The following PEX26 variants were observed in gnomAD, a reference collection of about 807,000 sequenced individuals.
PEX26 encodes the protein peroxisomal biogenesis factor 26.
Under a neutral mutation model 31.4 loss-of-function variants are expected in PEX26, and 18 were observed. The ratio of observed to expected loss-of-function variants is 0.57; its 90% CI spans 0.40 to 0.85. The LOEUF is 0.85. Ranked by LOEUF, PEX26 falls within the 40% of genes least tolerant of loss-of-function variation. The pLI, the probability that PEX26 is intolerant of heterozygous loss-of-function variation, is 0.00. For missense variants in PEX26, 377 were observed against 383.9 expected (o/e 0.98, Z 0.15); for synonymous variants, 176 against 166.9 (o/e 1.05, Z -0.42).
chr22:18,082,057 A>T (rs1158076743), intron 2 of PEX26, among the ~76,000 whole-genome samples: 1 of 98,410 alleles, frequency 1.0e-5, no homozygotes, highest in Non-Finnish European at 1.9e-5. Context: ...TCCCTTTTGA[A>T]TCAGGTTTTT....
rs1926383255 is a variant in PEX26, at chr22:18,078,361, T to G, written c.-16T>G. On this transcript the variant is annotated 5_prime_UTR_variant, in exon 1 of 5. Coordinates refer to ENST00000399744, the MANE Select transcript of PEX26 (RefSeq NM_001127649.3). The stretch of plus-strand genomic sequence containing the variant: ...CTCCGACGTCTGAGGACCTGGGCCT[T>G]GGACCCGGACTCGTTATGAAGAGCG... 6.3e-7 allele frequency: 1 copy of G among 1,581,358 alleles called. No individual in the cohort carries two copies. Among genetic ancestry groups the G allele is most frequent in the Non-Finnish European group, 8.6e-7 (1 of 1,158,642 alleles).
In PEX26 at chr22:18,078,155, A is replaced by C. The variant is rs141420435; in HGVS notation, c.-222A>C. 117 of 690,702 alleles carry C rather than the reference A, an allele frequency of 1.7e-4. No homozygotes were observed. The African/African-American group carries it at 1.9e-3, about 11-fold the overall frequency. The allele number at this position is 690,702 out of a possible 1,614,324, so 42.8% of individuals were successfully genotyped here. On this transcript the variant is annotated 5_prime_UTR_variant, in exon 1 of 5. Transcript: ENST00000399744. The stretch of plus-strand genomic sequence containing the variant: ...ATTCCAGGGATGCAAGAATCCTGCA[A>C]ATCTGACGTGTAAACTGCTTCCCCA...
At chr22:18,086,204 A>G (rs992827152) in intron 4 of PEX26, among the ~76,000 whole-genome samples, 1 of 151,264 alleles carries the variant, frequency 6.6e-6, no homozygotes, top group African/African-American at 2.4e-5. Context: ...AGGGTGAGGC[A>G]GGGAGCATTG....
At chr22:18,082,270 G>GA (rs1165924689) in intron 2 of PEX26, among the ~76,000 whole-genome samples, 3 of 151,960 alleles carry the variant, frequency 2.0e-5, no homozygotes, top group Non-Finnish European at 4.4e-5. Flanking sequence ...AGGTCTTACT[G>GA]AAAAAAACAC....
intron 2 of PEX26, among the ~76,000 whole-genome samples, chr22:18,080,519 A>T (rs1264742187): frequency 6.6e-6 from 1 of 152,012 alleles, no homozygotes; most frequent in East Asian, 1.9e-4. Context: ...TTAAGTAGAG[A>T]CAGGGTTTTA....
At chr22:18,081,243 TATACACACAC>T (rs920142822) in intron 2 of PEX26, among the ~76,000 whole-genome samples, 39 of 62,454 alleles carry the variant, frequency 6.2e-4, no homozygotes, top group African/African-American at 1.8e-3. Flanking sequence ...TATGTACACA[TATACACACAC>T]ACACACACAC....
chr22:18,087,439 G>T (rs187461542), intron 4 of PEX26, among the ~76,000 whole-genome samples: 43 of 152,326 alleles, frequency 2.8e-4, no homozygotes, highest in Admixed American at 2.1e-3. Flanking sequence ...GCTGAGCAGG[G>T]ATCCCCTGTG....
At position 18,097,321 on chromosome 22, in the gene PEX26, G is replaced by A. The variant is rs13058445; in HGVS notation, c.*9246G>A. 1,807 of 151,766 alleles carry A rather than the reference G, an allele frequency of 0.012. 27 individuals carry two copies. Among genetic ancestry groups the A allele is most frequent in the South Asian group, 0.079 (380 of 4,780 alleles). 9.4% of individuals were successfully genotyped at this position (151,766 alleles called of 1,614,324 possible). A position where few individuals can be genotyped will look rare whatever the true frequency, so the allele number is the denominator to read the frequency against. Reference sequence around the variant, plus strand: ...CTCTGTCGCCCAGGCTGGAGTGCAGGGGTGTGATCTCGGCTCACTGCAAGC... The same window carrying A: ...CTCTGTCGCCCAGGCTGGAGTGCAGAGGTGTGATCTCGGCTCACTGCAAGC... On this transcript the variant is annotated 3_prime_UTR_variant, in exon 5 of 5. Transcript: ENST00000399744.
Position 18,078,187 on chromosome 22 carries a change from A to G in PEX26, c.-190A>G, listed in dbSNP as rs1926371295. ...CGTGTAAACTGCTTCCCCAGCCTCC[A>G]GGCGAGCCCAGCTTTTGCCTCAGAT... is the stretch of plus-strand genomic sequence containing the variant. On this transcript the variant is annotated 5_prime_UTR_variant, in exon 1 of 5. Transcript: ENST00000399744. 1.4e-6 allele frequency: 1 copy of G among 700,674 alleles called. No homozygotes were observed. The allele number at this position is 700,674 out of a possible 1,614,324, so 43.4% of individuals were successfully genotyped here. A position where few individuals can be genotyped will look rare whatever the true frequency, so the allele number is the denominator to read the frequency against.
chr22:18,080,174 A>G (rs914994170), intron 2 of PEX26, among the ~76,000 whole-genome samples, 160 bp downstream of exon 2: 1 of 152,110 alleles, frequency 6.6e-6, no homozygotes, highest in Non-Finnish European at 1.5e-5. Context: ...ATAGCAATAA[A>G]GAATAAGGGG....
intron 1 of PEX26, chr22:18,079,211 T>C (rs938496862): frequency 2.0e-6 from 2 of 985,188 alleles, no homozygotes; most frequent in African/African-American, 3.5e-5. Flanking sequence ...GAAAAAAACC[T>C]TGGGCTTGCA....
rs1927500241 is a variant in PEX26, at chr22:18,103,038, T to TCACACCACCGCA, written c.*14964_*14965insACACCACCGCAC. On this transcript the variant is annotated 3_prime_UTR_variant, in exon 5 of 5. Coordinates refer to ENST00000399744, the MANE Select transcript of PEX26 (RefSeq NM_001127649.3). ...AGGCAGAGGTGGCAGTGAGCCGAGATCGTGCGATCGTGCTATTGCACTCCA... is the reference window on the plus strand; with the variant it reads ...AGGCAGAGGTGGCAGTGAGCCGAGATCACACCACCGCACGTGCGATCGTGCTATTGCACTCCA... 1.4e-5 allele frequency: 2 copies of TCACACCACCGCA among 139,500 alleles called. No individual in the cohort carries two copies. The highest frequency in any genetic ancestry group is 8.3e-5 in the Admixed American group (1 of 12,080). The allele number at this position is 139,500 out of a possible 1,614,324, so 8.6% of individuals were successfully genotyped here.
chr22:18,084,991 G>A, intron 3 of PEX26, 121 bp from the exon 4 acceptor site: 1 of 986,976 alleles, frequency 1.0e-6, no homozygotes, highest in South Asian at 1.3e-5. Context: ...AAAGTGCTGG[G>A]ATTACAGGCA....
At chr22:18,085,999 A>G (rs1926827952) in intron 4 of PEX26, among the ~76,000 whole-genome samples, 1 of 152,022 alleles carries the variant, frequency 6.6e-6, no homozygotes, top group Admixed American at 6.6e-5. Flanking sequence ...CATACATTTT[A>G]GAAAATGTGG....
Position 18,092,874 on chromosome 22 carries a change from GA to G in PEX26, c.*4806del, listed in dbSNP as rs368441548. The G allele has an allele frequency of 1.4e-5, 2 of 144,400 alleles. No homozygotes were observed. Among genetic ancestry groups the G allele is most frequent in the African/African-American group, 5.1e-5 (2 of 39,060 alleles). 8.9% of individuals were successfully genotyped at this position (144,400 alleles called of 1,614,324 possible). ...CTTTTATAAAGCCAATTTTAAACAAGAAAAAAACAAAAAGTTTACAAAAGAA... is the reference window on the plus strand; with the variant it reads ...CTTTTATAAAGCCAATTTTAAACAAGAAAAAACAAAAAGTTTACAAAAGAA... On this transcript the variant is annotated 3_prime_UTR_variant, in exon 5 of 5. Transcript: ENST00000399744.
Position 18,078,511 on chromosome 22 carries a change from G to A in PEX26, c.135G>A (p.Leu45=). 1 of 1,572,172 alleles carries A rather than the reference G, an allele frequency of 6.4e-7. No individual in the cohort carries two copies. Among genetic ancestry groups the A allele is most frequent in the Non-Finnish European group, 8.6e-7 (1 of 1,162,132 alleles). The change falls in exon 1 of 5, where the codon CTG becomes CTA. Residue 45 remains leucine (L), a synonymous_variant. Coordinates refer to ENST00000399744, the MANE Select transcript of PEX26 (RefSeq NM_001127649.3). The part of the protein sequence containing the change: ...VDLLEEAADL[L]VVHLDFRAAL... ...TTCTGGAGGAGGCGGCCGACCTCCT[G>A]GTGGTGCACCTGGACTTCCGGGCGG...
At position 18,092,397 on chromosome 22, in the gene PEX26, A is replaced by G. The variant is rs556862573; in HGVS notation, c.*4322A>G. ...AGGACAGACAGTGGGCACGGTGCCTAGCAGCCTGTCGCGCCCCCGCCCGCC... is the reference window on the plus strand; with the variant it reads ...AGGACAGACAGTGGGCACGGTGCCTGGCAGCCTGTCGCGCCCCCGCCCGCC... On this transcript the variant is annotated 3_prime_UTR_variant, in exon 5 of 5. Transcript: ENST00000399744. 1 of 152,432 alleles carries G rather than the reference A, an allele frequency of 6.6e-6. No individual in the cohort carries two copies. Among genetic ancestry groups the G allele is most frequent in the East Asian group, 1.9e-4 (1 of 5,190 alleles). 9.4% of individuals were successfully genotyped at this position (152,432 alleles called of 1,614,324 possible).
rs1317649747 is a variant in PEX26, at chr22:18,103,265, C to T, written c.*15190C>T. 1 of 142,362 alleles carries T rather than the reference C, an allele frequency of 7.0e-6. No individual in the cohort carries two copies. Among genetic ancestry groups the T allele is most frequent in the Non-Finnish European group, 1.5e-5 (1 of 67,834 alleles). 8.8% of individuals were successfully genotyped at this position (142,362 alleles called of 1,614,324 possible). A position where few individuals can be genotyped will look rare whatever the true frequency, so the allele number is the denominator to read the frequency against. The stretch of plus-strand genomic sequence containing the variant: ...AATGCTTGATAGCAGAATAGGGTGA[C>T]CATTGTTAACACTGTATTGGGTGTT... On this transcript the variant is annotated 3_prime_UTR_variant, in exon 5 of 5. Coordinates refer to ENST00000399744, the MANE Select transcript of PEX26 (RefSeq NM_001127649.3).
At chr22:18,078,980 G>C (rs545226427) in intron 1 of PEX26, 3 of 390,410 alleles carry the variant, frequency 7.7e-6, no homozygotes, top group African/African-American at 2.1e-5. Flanking sequence ...CTTGGCTGAT[G>C]ATGGGGAATG....
Sources: allele counts gnomAD v4.1 joint callset (sites outside exome capture counted in the v4.1 genomes callset), GRCh38; gene constraint gnomAD v4.1.1; transcripts MANE v1.5; gene names NCBI Gene and HGNC (gene_info 2026-07-23, HGNC 2026-07-21).